The following DDI2 variants were observed in gnomAD, a reference collection of about 807,000 sequenced individuals.
The protein encoded by DDI2 is protein DDI1 homolog 2.
A neutral mutation model predicts 48.1 loss-of-function variants in DDI2; 5 were observed. That is an observed-to-expected ratio of 0.10 (90% CI 0.05 to 0.22). DDI2 has a LOEUF of 0.22. Ranked by LOEUF, DDI2 falls within the 10% of genes least tolerant of loss-of-function variation. The pLI is 1.00. For missense variants in DDI2, 285 were observed against 506.2 expected, an observed-to-expected ratio of 0.56 and a Z score of 4.19; for synonymous variants, 205 against 183.6, an observed-to-expected ratio of 1.12 and a Z score of -0.94.
At position 15,660,936 on chromosome 1, in the gene DDI2, G is replaced by GAA. The variant is rs1640363917; in HGVS notation, c.*1148_*1149dup. 6.2e-7 allele frequency: 1 copy of GAA among 1,613,132 alleles called. No homozygotes were observed. The highest frequency in any genetic ancestry group is 1.7e-5 in the Admixed American group (1 of 59,822). On this transcript the variant is annotated 3_prime_UTR_variant, in exon 10 of 10. Coordinates refer to ENST00000480945, the MANE Select transcript of DDI2 (RefSeq NM_032341.5). ...CTTGCCCGTCTATAACGGCAGCCTT[G>GAA]AAAGAACTTCATGAACTTTTGGTTG...
chr1:15,661,428 G>A lies in DDI2; in HGVS notation c.*1638G>A, dbSNP rs1557626442. 1.9e-6 allele frequency: 3 copies of A among 1,614,060 alleles called. No homozygotes were observed. The highest frequency in any genetic ancestry group is 2.5e-6 in the Non-Finnish European group (3 of 1,180,002). On this transcript the variant is annotated 3_prime_UTR_variant, in exon 10 of 10. Coordinates refer to ENST00000480945, the MANE Select transcript of DDI2 (RefSeq NM_032341.5). ...AGTCTTTGTCATCCAATTTCATATT[G>A]GTTAAAGACTTAGGTCAGGGCATAC...
At position 15,651,876 on chromosome 1, in the gene DDI2, A is replaced by G. The variant is rs1310884009; in HGVS notation, c.1164A>G (p.Gln388=). 6 of 1,613,740 alleles carry G rather than the reference A, an allele frequency of 3.7e-6. No homozygotes were observed. The highest frequency in any genetic ancestry group is 1.7e-5 in the Admixed American group (1 of 59,930). ...ACCAAGAATTAGCAGAAGCCCTTCA[A>G]AAATCAGCAGAGGATGCAGGTATTT... ...IADQELAEAL[Q]KSAEDAERQK... is the part of the protein sequence containing the mutation. The change falls in exon 8 of 10, where the codon CAA becomes CAG. Residue 388 remains glutamine, a synonymous_variant. Transcript: ENST00000480945.
rs117620063 is a variant in DDI2 at position 15,619,789 on chromosome 1, T to C, written c.138+1981T>C. 1.2e-3 allele frequency among the ~76,000 whole-genome samples: 177 copies of C among 152,272 alleles called. 4 individuals carry two copies. The East Asian group carries it at 0.025, about 22-fold the overall frequency. ...CAATTGTTTTTTCCTCTAGCTGTTATATTACCCTGGTTATGATCACCGGCT... is the reference window on the plus strand; with the variant it reads ...CAATTGTTTTTTCCTCTAGCTGTTACATTACCCTGGTTATGATCACCGGCT... On this transcript the variant is annotated intron_variant, in intron 1 of 9. Coordinates refer to ENST00000480945, the MANE Select transcript of DDI2 (RefSeq NM_032341.5).
chr1:15,622,222 A>C (rs189233213), intron 1 of DDI2, among the ~76,000 whole-genome samples: 2 of 105,018 alleles, frequency 1.9e-5, no homozygotes, highest in East Asian at 4.2e-4. Context: ...TTTTGAGACG[A>C]GGTCTTGCCA....
In DDI2 at chr1:15,648,951, T is replaced by C. The variant is rs6668447; in HGVS notation, c.890-769T>C. On this transcript the variant is annotated intron_variant, in intron 6 of 9. Coordinates refer to ENST00000480945, the MANE Select transcript of DDI2 (RefSeq NM_032341.5). ...AGGAGTTCTTTAAAAATAGGTCATC[T>C]GCTGGGTGTGGTGGCTCACTCTTGT... is the stretch of plus-strand genomic sequence containing the variant. Among the ~76,000 whole-genome samples, 1,330 of 152,220 alleles carry C rather than the reference T, an allele frequency of 8.7e-3. 19 individuals are homozygous for C. The highest frequency in any genetic ancestry group is 0.029 in the African/African-American group (1,218 of 41,500).
chr1:15,636,450 T>C (rs1280715953), intron 4 of DDI2, among the ~76,000 whole-genome samples: 1 of 151,376 alleles, frequency 6.6e-6, no homozygotes, highest in African/African-American at 2.4e-5. Flanking sequence ...TGTTTGTTTG[T>C]TGAAGAGACA....
intron 9 of DDI2, among the ~76,000 whole-genome samples, chr1:15,658,401 C>T (rs890728905): frequency 1.3e-5 from 2 of 151,812 alleles, no homozygotes; most frequent in South Asian, 2.1e-4. Flanking sequence ...CCACCTGCCT[C>T]GGCCTCCCAA....
chr1:15,624,191 G>A (rs1360185323), intron 1 of DDI2, among the ~76,000 whole-genome samples: 1 of 152,216 alleles, frequency 6.6e-6, no homozygotes, highest in East Asian at 1.9e-4. Flanking sequence ...GCTTCACAGT[G>A]TTGATGCTAT....
chr1:15,617,820 AGCGAGCCGGGCCTGCCCC>A lies in DDI2; in HGVS notation c.138+14_138+31del. 6.3e-7 allele frequency: 1 copy of A among 1,584,770 alleles called. No homozygotes were observed. The highest frequency in any genetic ancestry group is 1.1e-5 in the South Asian group (1 of 88,624). On this transcript the variant is annotated intron_variant, in intron 1 of 9. Transcript: ENST00000480945. ...CAGCCGAGAGCCAGGTACGCCGGGC[AGCGAGCCGGGCCTGCCCC>A]GGAGCTAAGCCCTCCCCGCCTCGGG...
intron 6 of DDI2, among the ~76,000 whole-genome samples, chr1:15,647,794 T>G (rs1640114061): frequency 6.6e-6 from 1 of 151,918 alleles, no homozygotes; most frequent in African/African-American, 2.4e-5. Flanking sequence ...AAACCACATC[T>G]CTACTAAAAC....
rs764464263 is a variant in DDI2, at chr1:15,660,255, G to C, written c.*465G>C. 7 of 1,614,016 alleles carry C rather than the reference G, an allele frequency of 4.3e-6. No individual in the cohort carries two copies. In the South Asian group the frequency reaches 5.5e-5, roughly 13 times the overall value. Reference sequence around the variant, plus strand: ...TCAAATTTCATCTCCATACAAGACAGGAAGCTAGTTTATCTGTCACATCTA... The same window carrying C: ...TCAAATTTCATCTCCATACAAGACACGAAGCTAGTTTATCTGTCACATCTA... On this transcript the variant is annotated 3_prime_UTR_variant, in exon 10 of 10. Transcript: ENST00000480945.
At chr1:15,649,206 A>G (rs1640140865) in intron 6 of DDI2, among the ~76,000 whole-genome samples, 1 of 152,000 alleles carries the variant, frequency 6.6e-6, no homozygotes, top group Non-Finnish European at 1.5e-5. Flanking sequence ...TCTACTAAAA[A>G]TGTAAAAATT....
At chr1:15,639,371 T>A (rs1221258316) in intron 5 of DDI2, among the ~76,000 whole-genome samples, 1 of 152,030 alleles carries the variant, frequency 6.6e-6, no homozygotes, top group Non-Finnish European at 1.5e-5. Context: ...TCAAATAATA[T>A]TTTCCCCCTT....
At chr1:15,624,470 G>A (rs760865992) in intron 1 of DDI2, among the ~76,000 whole-genome samples, 20 of 151,990 alleles carry the variant, frequency 1.3e-4, no homozygotes, top group Middle Eastern at 3.4e-3. Context: ...TTTTTTGTTT[G>A]TTTTTGTTTT....
At chr1:15,633,931 C>A in intron 4 of DDI2, 1 of 422,524 alleles carries the variant, frequency 2.4e-6, no homozygotes, top group Non-Finnish European at 4.7e-6. Flanking sequence ...GACTCTCTTT[C>A]TTTAGACATA....
chr1:15,654,327 T>C lies in DDI2; in HGVS notation c.1184-2290T>C, dbSNP rs1228147309. Among the ~76,000 whole-genome samples the C allele has an allele frequency of 3.3e-5, 5 of 152,292 alleles. No individual in the cohort carries two copies. In the East Asian group the frequency reaches 9.6e-4, roughly 29 times the overall value. On this transcript the variant is annotated intron_variant, in intron 8 of 9. Transcript: ENST00000480945. ...CAGGTTGACTTTGTTCAGAATCAAC[T>C]CCATCACCTTTTGGCTTAGTTTTAT... is the stretch of plus-strand genomic sequence containing the variant.
chr1:15,660,357 T>C lies in DDI2; in HGVS notation c.*567T>C, dbSNP rs762006822. On this transcript the variant is annotated 3_prime_UTR_variant, in exon 10 of 10. Coordinates refer to ENST00000480945, the MANE Select transcript of DDI2 (RefSeq NM_032341.5). ...AAAATCAGAACCTGAGTCAAGTGAG[T>C]GACCCTCAGCAGCACGAAGAACCAG... The C allele has an allele frequency of 2.5e-6, 4 of 1,614,004 alleles. No individual in the cohort carries two copies. The Admixed American group carries it at 5.0e-5, about 20-fold the overall frequency.
intron 4 of DDI2, among the ~76,000 whole-genome samples, chr1:15,637,462 G>T (rs945960426): frequency 1.3e-5 from 2 of 152,062 alleles, no homozygotes; most frequent in Admixed American, 1.3e-4. Context: ...CCGCCCCCCG[G>T]GTTCAAGCAG....
chr1:15,641,886 T>C (rs1417139563), intron 5 of DDI2, among the ~76,000 whole-genome samples: 2 of 133,458 alleles, frequency 1.5e-5, no homozygotes, highest in Non-Finnish European at 3.1e-5. Flanking sequence ...ACCCAGGAGG[T>C]GGAGCTTGCA....
Sources: gnomAD v4.1 joint callset for allele counts (sites outside exome capture counted in the v4.1 genomes callset) on GRCh38, gnomAD v4.1.1 for gene constraint, MANE v1.5 for transcripts, NCBI Gene and HGNC (gene_info 2026-07-23, HGNC 2026-07-21) for gene names.